The following ABCG5 variants were observed in gnomAD, a reference collection of about 807,000 sequenced individuals.
The protein encoded by ABCG5 is ATP-binding cassette sub-family G member 5.
ABCG5 carries 64 observed loss-of-function variants against 64.5 expected under a neutral mutation model. That is an observed-to-expected ratio of 0.99 (90% CI 0.81 to 1.22). ABCG5 has a LOEUF of 1.22. Among genes scored for constraint, ABCG5 ranks in the 50% most tolerant of loss-of-function variants. The pLI, the probability that ABCG5 is intolerant of heterozygous loss-of-function variation, is 0.00. For missense variants in ABCG5, 908 were observed against 829.5 expected, an observed-to-expected ratio of 1.09 and a Z score of -1.16; for synonymous variants, 385 against 326.3, an observed-to-expected ratio of 1.18 and a Z score of -1.94.
chr2:43,814,519 T>A lies in ABCG5; in HGVS notation c.1720A>T (p.Ile574Phe). 1.2e-6 allele frequency: 2 copies of A among 1,609,512 alleles called. No individual in the cohort carries two copies. The highest frequency in any genetic ancestry group is 1.7e-6 in the Non-Finnish European group (2 of 1,176,186). Reference protein sequence around the residue: ...YFTFQKYCSEILVVNEFYGLN... With the variant: ...YFTFQKYCSEFLVVNEFYGLN... The stretch of plus-strand genomic sequence containing the variant: ...CCGTAGAACTCATTGACTACAAGAA[T>A]CTCACTGCAATATTTTTGGAATGTA... Residue 574 changes from isoleucine to phenylalanine, a missense_variant, in exon 12 of 13, where the codon ATT becomes TTT. Ile to Phe is a conservative substitution (Grantham distance 21). Coordinates refer to ENST00000405322, the MANE Select transcript of ABCG5 (RefSeq NM_022436.3).
chr2:43,831,675 G>A, intron 4 of ABCG5, 94 bp downstream of exon 4: 1 of 1,269,976 alleles, frequency 7.9e-7, no homozygotes, highest in Non-Finnish European at 1.1e-6. Context: ...GACGAGCAAA[G>A]GGAAGGAATG....
At chr2:43,838,873 C>G, upstream of ABCG5, 1 of 1,216,084 alleles carries the variant, frequency 8.2e-7, no homozygotes, top group Admixed American at 2.1e-5. The surrounding 1 kb of genome is among the most constrained non-coding windows in gnomAD (Gnocchi z 4.2). Flanking sequence ...CTTATCTTGA[C>G]AGTGGGCAGA....
intron 2 of ABCG5, 72 bp downstream of exon 2, chr2:43,837,762 C>G: frequency 1.2e-6 from 2 of 1,602,140 alleles, no homozygotes; most frequent in Middle Eastern, 1.7e-4. Flanking sequence ...CTTGTTACAA[C>G]TTAATCTGTT....
At chr2:43,837,210 C>G (rs572630573) in intron 2 of ABCG5, among the ~76,000 whole-genome samples, 1 of 151,120 alleles carries the variant, frequency 6.6e-6, no homozygotes, top group Admixed American at 6.6e-5. Context: ...GTCTTAATCT[C>G]CTGGGCTCAA....
chr2:43,812,076 G>T (rs563825139), downstream of ABCG5, among the ~76,000 whole-genome samples: 3 of 151,872 alleles, frequency 2.0e-5, no homozygotes, highest in South Asian at 6.3e-4. Context: ...ACAGGGTCTT[G>T]CTCTGTCTCT....
the ABCG5 span, among the ~76,000 whole-genome samples, chr2:43,807,044 AATTACCAGTGTTGTTGCT>A: frequency 6.6e-6 from 1 of 152,184 alleles, no homozygotes; most frequent in African/African-American, 2.4e-5. Context: ...ATACCCTAAC[AATTACCAGTGTTGTTGCT>A]GTTATTTCAT....
chr2:43,831,691 G>T, intron 4 of ABCG5, 78 bp downstream of exon 4: 3 of 1,379,128 alleles, frequency 2.2e-6, no homozygotes, highest in Non-Finnish European at 2.0e-6. Flanking sequence ...GAATGGGCAA[G>T]CGTAGGCGAA....
downstream of ABCG5, chr2:43,809,932 C>A: frequency 7.4e-7 from 1 of 1,347,928 alleles, no homozygotes; most frequent in East Asian, 2.8e-5. Flanking sequence ...TATCTTGAAG[C>A]TTTTTAAAAG....
chr2:43,822,484 C>CCA (rs1667287430), intron 10 of ABCG5: 2 of 916,912 alleles, frequency 2.2e-6, no homozygotes, highest in African/African-American at 1.8e-5. Flanking sequence ...CCAGGCCCCC[C>CCA]CCCATGCACC....
rs748628439 is a variant in ABCG5, at chr2:43,837,865, G to A, written c.234C>T (p.Ser78=). 7.4e-6 allele frequency: 12 copies of A among 1,613,848 alleles called. No individual in the cohort carries two copies. The highest frequency in any genetic ancestry group is 4.5e-5 in the East Asian group (2 of 44,884). ...ILKDVSLYVE[S]GQIMCILGSS... Reference sequence around the variant, plus strand: ...TTCCTAGGATGCACATGATCTGCCCGCTCTCCACGTACAAGGAGACATCTT... The same window carrying A: ...TTCCTAGGATGCACATGATCTGCCCACTCTCCACGTACAAGGAGACATCTT... The change falls in exon 2 of 13, where the codon AGC becomes AGT. Residue 78 remains serine (S), a synonymous_variant. Coordinates refer to ENST00000405322, the MANE Select transcript of ABCG5 (RefSeq NM_022436.3).
In ABCG5 at chr2:43,833,866, T is replaced by A. The variant is rs559295490; in HGVS notation, c.266-1783A>T. On this transcript the variant is annotated intron_variant, in intron 2 of 12. Transcript: ENST00000405322. The stretch of plus-strand genomic sequence containing the variant: ...CACCTGGCTAATTTTTGTATTTTTG[T>A]AGAGACGGGGTTTCACCACGTTGGC... Among the ~76,000 whole-genome samples the A allele has an allele frequency of 5.3e-5, 8 of 152,056 alleles. No individual in the cohort carries two copies. The South Asian group carries it at 1.7e-3, about 32-fold the overall frequency.
chr2:43,825,089 C>G, intron 6 of ABCG5, 71 bp from the exon 7 acceptor site: 1 of 1,580,842 alleles, frequency 6.3e-7, no homozygotes, highest in African/African-American at 1.3e-5. Flanking sequence ...TCTCTGGGAA[C>G]ACTGATGCAG....
rs1181566629 is a variant in ABCG5, at chr2:43,838,552, G to T, written c.128C>A (p.Ala43Asp). 1 of 1,606,140 alleles carries T rather than the reference G, an allele frequency of 6.2e-7. No individual in the cohort carries two copies. The highest frequency in any genetic ancestry group is 8.5e-7 in the Non-Finnish European group (1 of 1,177,018). The change falls in exon 1 of 13, where the codon GCC becomes GAC. Residue 43 changes from alanine to aspartate, a missense_variant. Physicochemically the swap from Ala to Asp is moderately radical, Grantham distance 126. Transcript: ENST00000405322. This position sits in a 1 kb window ranked among gnomAD's most constrained non-coding sequence, Gnocchi z 4.2. ...TCTGCCTTACCTGACGCTGTAGGAG[G>T]CATGGAGGATGCCCAGGCTGTGAGG... ...PEPHSLGILH[A>D]SYSVSHRVRP...
chr2:43,810,235 C>G (rs1209069239), downstream of ABCG5: 24 of 537,630 alleles, frequency 4.5e-5, no homozygotes, highest in Non-Finnish European at 5.2e-5. Flanking sequence ...GCAAGAAGCA[C>G]CTGAAATAGG....
At chr2:43,814,054 G>C (rs1275087458) in intron 12 of ABCG5, among the ~76,000 whole-genome samples, 3 of 152,002 alleles carry the variant, frequency 2.0e-5, no homozygotes, top group African/African-American at 7.3e-5. Context: ...CCTTGTCTTG[G>C]TTCTACTTCC....
At chr2:43,835,099 C>T (rs1348666940) in intron 2 of ABCG5, among the ~76,000 whole-genome samples, 1 of 152,194 alleles carries the variant, frequency 6.6e-6, no homozygotes, top group Admixed American at 6.5e-5. Flanking sequence ...GAACTTGCAG[C>T]CCACTGTGGA....
chr2:43,838,141 T>C lies in ABCG5; in HGVS notation c.144-186A>G. On this transcript the variant is annotated intron_variant, in intron 1 of 12. Transcript: ENST00000405322. This position sits in a 1 kb window ranked among gnomAD's most constrained non-coding sequence, Gnocchi z 4.2. ...ATAGCGACTGAGGCTGTCTGCCACGTAGGGAGGGGGCCTGTGCTGGAGTTG... is the reference window on the plus strand; with the variant it reads ...ATAGCGACTGAGGCTGTCTGCCACGCAGGGAGGGGGCCTGTGCTGGAGTTG... The C allele has an allele frequency of 1.4e-6, 1 of 739,976 alleles. No homozygotes were observed. Among genetic ancestry groups the C allele is most frequent in the Non-Finnish European group, 2.2e-6 (1 of 452,276 alleles). The allele number at this position is 739,976 out of a possible 1,614,324, so 45.8% of individuals were successfully genotyped here.
At chr2:43,832,236 C>T in intron 2 of ABCG5, 153 bp from the exon 3 acceptor site, 2 of 1,068,420 alleles carry the variant, frequency 1.9e-6, no homozygotes, top group East Asian at 2.6e-5. Context: ...AGGATACAGG[C>T]CCTGCCCTAT....
intron 2 of ABCG5, among the ~76,000 whole-genome samples, chr2:43,832,936 A>G (rs1668039905): frequency 6.6e-6 from 1 of 152,112 alleles, no homozygotes; most frequent in African/African-American, 2.4e-5. Context: ...CAGCCTCCTG[A>G]GTAGCTGGGA....
Sources: allele counts gnomAD v4.1 joint callset (sites outside exome capture counted in the v4.1 genomes callset), GRCh38; gene constraint gnomAD v4.1.1; non-coding constraint Gnocchi (gnomAD v3.1); transcripts MANE v1.5; gene names NCBI Gene and HGNC (gene_info 2026-07-23, HGNC 2026-07-21).